The following TFAP2E variants were observed in gnomAD, a reference collection of about 807,000 sequenced individuals.
TFAP2E encodes transcription factor AP-2-epsilon.
In TFAP2E, 30 loss-of-function variants were observed where a neutral mutation model predicts 37.9. The observed-to-expected ratio is 0.79, with a 90% CI of 0.59 to 1.07. TFAP2E has a LOEUF of 1.07. TFAP2E is among the 50% of genes least tolerant of loss of function. TFAP2E has a pLI of 0.00. For synonymous variants in TFAP2E, 318 were observed against 295.8 expected, an observed-to-expected ratio of 1.08 and a Z score of -0.77; for missense variants, 567 against 637.9, an observed-to-expected ratio of 0.89 and a Z score of 1.20.
intron 3 of TFAP2E, among the ~76,000 whole-genome samples, chr1:35,583,118 C>G (rs1036216009): frequency 2.6e-5 from 4 of 152,022 alleles, no homozygotes; most frequent in East Asian, 3.9e-4. Flanking sequence ...CCAAGTTGCT[C>G]TTAAACTCCT....
Position 35,574,305 on chromosome 1 carries a change from G to A in TFAP2E, c.406G>A (p.Val136Met). 1 of 1,456,382 alleles carries A rather than the reference G, an allele frequency of 6.9e-7. No individual in the cohort carries two copies. Among genetic ancestry groups the A allele is most frequent in the Non-Finnish European group, 9.0e-7 (1 of 1,111,228 alleles). The allele number at this position is 1,456,382 out of a possible 1,614,324, so 90.2% of individuals were successfully genotyped here. A position where few individuals can be genotyped will look rare whatever the true frequency, so the allele number is the denominator to read the frequency against. Residue 136 changes from valine to methionine, a missense_variant, in exon 2 of 7, where the codon GTG (valine) becomes ATG (methionine). Coordinates refer to ENST00000373235, the MANE Select transcript of TFAP2E (RefSeq NM_178548.4). ...CCCGCGCCGTGACTATGCCACTGCC[G>A]TGCCCCGGCTCCTGCACGGCCTGGC... ...LDPRRDYATA[V>M]PRLLHGLADG...
intron 3 of TFAP2E, among the ~76,000 whole-genome samples, chr1:35,576,882 G>T (rs1649189653): frequency 6.6e-6 from 1 of 151,886 alleles, no homozygotes; most frequent in African/African-American, 2.4e-5. Flanking sequence ...GCGGACTCAC[G>T]TGCACAACCG....
chr1:35,576,326 T>G (rs1030350965), intron 3 of TFAP2E, among the ~76,000 whole-genome samples: 1 of 152,052 alleles, frequency 6.6e-6, no homozygotes, highest in African/African-American at 2.4e-5. Context: ...TGGGGCTGTG[T>G]CCTGTGTCGC....
Position 35,577,629 on chromosome 1 carries a change from G to GC in TFAP2E, c.562+2633dup. 1 of 338,184 alleles carries GC rather than the reference G, an allele frequency of 3.0e-6. No individual in the cohort carries two copies. The highest frequency in any genetic ancestry group is 2.2e-5 in the South Asian group (1 of 45,606). The allele number at this position is 338,184 out of a possible 1,614,324, so 20.9% of individuals were successfully genotyped here. A position where few individuals can be genotyped will look rare whatever the true frequency, so the allele number is the denominator to read the frequency against. Reference sequence around the variant, plus strand: ...CGAAAGGGAGGCAGCTGCAGCCTCAGCCCCACCCCAGAAGCGGCCTTCGCA... The same window carrying GC: ...CGAAAGGGAGGCAGCTGCAGCCTCAGCCCCCACCCCAGAAGCGGCCTTCGCA... On this transcript the variant is annotated intron_variant, in intron 3 of 6. Transcript: ENST00000373235. The surrounding 1 kb of genome is among the most constrained non-coding windows in gnomAD (Gnocchi z 6.3).
chr1:35,576,456 G>T (rs1455047694), intron 3 of TFAP2E, among the ~76,000 whole-genome samples: 1 of 152,168 alleles, frequency 6.6e-6, no homozygotes, highest in African/African-American at 2.4e-5. Flanking sequence ...AGATCCGTCT[G>T]CAGTGGGCAA....
At chr1:35,575,814 C>T (rs547006520) in intron 3 of TFAP2E, among the ~76,000 whole-genome samples, 1 of 152,300 alleles carries the variant, frequency 6.6e-6, no homozygotes, top group Non-Finnish European at 1.5e-5. Context: ...CATGCGCGGG[C>T]CCTCTCTGTG....
Position 35,574,312 on chromosome 1 carries a change from G to C in TFAP2E, c.413G>C (p.Arg138Pro), listed in dbSNP as rs1182598598. The change falls in exon 2 of 7, where the codon CGG becomes CCG. Residue 138 changes from arginine to proline, a missense_variant. Coordinates refer to ENST00000373235, the MANE Select transcript of TFAP2E (RefSeq NM_178548.4). ...CGTGACTATGCCACTGCCGTGCCCC[G>C]GCTCCTGCACGGCCTGGCCGACGGC... ...PRRDYATAVP[R>P]LLHGLADGAH... 4 of 1,458,630 alleles carry C rather than the reference G, an allele frequency of 2.7e-6. No homozygotes were observed. The highest frequency in any genetic ancestry group is 3.6e-6 in the Non-Finnish European group (4 of 1,113,180). 90.4% of individuals were successfully genotyped at this position (1,458,630 alleles called of 1,614,324 possible).
In TFAP2E at chr1:35,573,765, A is replaced by C. The variant is rs1156462775; in HGVS notation, c.27+161A>C. The C allele has an allele frequency of 7.3e-7, 1 of 1,377,262 alleles. No individual in the cohort carries two copies. The highest frequency in any genetic ancestry group is 9.5e-7 in the Non-Finnish European group (1 of 1,053,856). 85.3% of individuals were successfully genotyped at this position (1,377,262 alleles called of 1,614,324 possible). A position where few individuals can be genotyped will look rare whatever the true frequency, so the allele number is the denominator to read the frequency against. ...CGATGCGCAAGTGACCGCTGTCCCC[A>C]GCCTGAGGCTCCTGCGCCCGCGGGT... is the stretch of plus-strand genomic sequence containing the variant. On this transcript the variant is annotated intron_variant, in intron 1 of 6. Coordinates refer to ENST00000373235, the MANE Select transcript of TFAP2E (RefSeq NM_178548.4). The surrounding 1 kb of genome is among the most constrained non-coding windows in gnomAD (Gnocchi z 5.9).
At chr1:35,587,049 C>A (rs892569857) in intron 3 of TFAP2E, among the ~76,000 whole-genome samples, 4 of 152,154 alleles carry the variant, frequency 2.6e-5, no homozygotes, top group Non-Finnish European at 4.4e-5. Context: ...ATAAGTGTAG[C>A]CCCTTGTGGG....
rs146756723 is a variant in TFAP2E, at chr1:35,578,703, T to G, written c.562+3703T>G. ...GAGGGAGCTGGGGAGGGTCTCCACTTCCCAGACAATCTCTAAGCAGCCAGG... is the reference window on the plus strand; with the variant it reads ...GAGGGAGCTGGGGAGGGTCTCCACTGCCCAGACAATCTCTAAGCAGCCAGG... On this transcript the variant is annotated intron_variant, in intron 3 of 6. Transcript: ENST00000373235. Among the ~76,000 whole-genome samples, 677 of 152,198 alleles carry G rather than the reference T, an allele frequency of 4.4e-3. 6 individuals carry two copies. Among genetic ancestry groups the G allele is most frequent in the Non-Finnish European group, 7.2e-3 (491 of 68,018 alleles).
At position 35,577,399 on chromosome 1, in the gene TFAP2E, C is replaced by T; in HGVS notation, c.562+2399C>T. On this transcript the variant is annotated intron_variant, in intron 3 of 6. Transcript: ENST00000373235. The surrounding 1 kb of genome is among the most constrained non-coding windows in gnomAD (Gnocchi z 6.3). Reference sequence around the variant, plus strand: ...GAGTGAATTAGCGCCCTCCTTCGTCCTCGGCCCTTCCGACGGCACGAGGAA... The same window carrying T: ...GAGTGAATTAGCGCCCTCCTTCGTCTTCGGCCCTTCCGACGGCACGAGGAA... 1 of 456,836 alleles carries T rather than the reference C, an allele frequency of 2.2e-6. No individual in the cohort carries two copies. The highest frequency in any genetic ancestry group is 4.4e-6 in the Non-Finnish European group (1 of 227,000). The allele number at this position is 456,836 out of a possible 1,614,324, so 28.3% of individuals were successfully genotyped here. A position where few individuals can be genotyped will look rare whatever the true frequency, so the allele number is the denominator to read the frequency against.
chr1:35,577,303 C>A lies in TFAP2E; in HGVS notation c.562+2303C>A, dbSNP rs1477557742. On this transcript the variant is annotated intron_variant, in intron 3 of 6. Coordinates refer to ENST00000373235, the MANE Select transcript of TFAP2E (RefSeq NM_178548.4). This position sits in a 1 kb window ranked among gnomAD's most constrained non-coding sequence, Gnocchi z 6.3. ...CGCCCCTCCCCACACCTGCCCTCGG[C>A]GCCCCCAGCAGTTTTCACCTTGGCC... The A allele has an allele frequency of 2.2e-6, 1 of 447,260 alleles. No homozygotes were observed. Among genetic ancestry groups the A allele is most frequent in the African/African-American group, 2.0e-5 (1 of 50,072 alleles). The allele number at this position is 447,260 out of a possible 1,614,324, so 27.7% of individuals were successfully genotyped here. A position where few individuals can be genotyped will look rare whatever the true frequency, so the allele number is the denominator to read the frequency against.
chr1:35,580,868 T>C (rs114853889), intron 3 of TFAP2E, among the ~76,000 whole-genome samples: 378 of 152,298 alleles, frequency 2.5e-3, no homozygotes, highest in African/African-American at 8.7e-3. Context: ...TTTTTAACGA[T>C]TTTTTGAGGT....
chr1:35,573,631 T>G lies in TFAP2E; in HGVS notation c.27+27T>G. Reference sequence around the variant, plus strand: ...TGAGTAGTCTCGGGCCCGGGACATATTCGGCCGGGGGATCGGGGCGCCTGA... The same window carrying G: ...TGAGTAGTCTCGGGCCCGGGACATAGTCGGCCGGGGGATCGGGGCGCCTGA... On this transcript the variant is annotated intron_variant, in intron 1 of 6. Transcript: ENST00000373235. The surrounding 1 kb of genome is among the most constrained non-coding windows in gnomAD (Gnocchi z 5.9). 1 of 1,537,976 alleles carries G rather than the reference T, an allele frequency of 6.5e-7. No homozygotes were observed. Among genetic ancestry groups the G allele is most frequent in the Non-Finnish European group, 8.8e-7 (1 of 1,142,334 alleles).
chr1:35,589,090 G>A (rs1649573497), intron 4 of TFAP2E, among the ~76,000 whole-genome samples: 1 of 152,084 alleles, frequency 6.6e-6, no homozygotes, highest in African/African-American at 2.4e-5. Context: ...GCGTGTGCAT[G>A]TGTCTATAGT....
intron 3 of TFAP2E, among the ~76,000 whole-genome samples, chr1:35,580,427 G>A (rs999871794): frequency 2.0e-5 from 3 of 152,058 alleles, no homozygotes; most frequent in African/African-American, 7.2e-5. Context: ...GTAGTCCAAG[G>A]AACCACATGC....
rs1033896931 is a variant in TFAP2E, at chr1:35,590,479, A to G, written c.905-155A>G. On this transcript the variant is annotated intron_variant, in intron 5 of 6. Transcript: ENST00000373235. The surrounding 1 kb of genome is among the most constrained non-coding windows in gnomAD (Gnocchi z 6.2). ...AATGGCCCCAAGGTGGGGCAATGGA[A>G]TGGGGGCTGGAGCTGGGCTGGGAAG... Among the ~76,000 whole-genome samples the G allele has an allele frequency of 1.3e-5, 2 of 151,988 alleles. No individual in the cohort carries two copies. The highest frequency in any genetic ancestry group is 4.8e-5 in the African/African-American group (2 of 41,398).
chr1:35,589,567 T>A (rs1309110671), intron 4 of TFAP2E, among the ~76,000 whole-genome samples: 1 of 152,092 alleles, frequency 6.6e-6, no homozygotes, highest in Non-Finnish European at 1.5e-5. Flanking sequence ...TGTGTCTCTC[T>A]TTCTGTATGT....
chr1:35,589,419 C>G (rs1397608157), intron 4 of TFAP2E, among the ~76,000 whole-genome samples: 1 of 149,138 alleles, frequency 6.7e-6, no homozygotes, highest in African/African-American at 2.5e-5. Flanking sequence ...TCCTGTGTCT[C>G]TGTGTCCCTG....
Sources: gnomAD v4.1 joint callset for allele counts (sites outside exome capture counted in the v4.1 genomes callset) on GRCh38, gnomAD v4.1.1 for gene constraint, Gnocchi (gnomAD v3.1) non-coding constraint, MANE v1.5 for transcripts, NCBI Gene and HGNC (gene_info 2026-07-23, HGNC 2026-07-21) for gene names.